The following KIF26A variants were observed in gnomAD, a reference collection of about 807,000 sequenced individuals.
The protein encoded by KIF26A is kinesin-like protein KIF26A.
A neutral mutation model predicts 126.0 loss-of-function variants in KIF26A; 74 were observed. That is an observed-to-expected ratio of 0.59 (90% CI 0.49 to 0.71). The LOEUF is 0.71. Among genes scored for constraint, KIF26A ranks in the 30% least tolerant of loss-of-function variants. KIF26A has a pLI of 0.00. For missense variants in KIF26A, 2,984 were observed against 2,763.3 expected (o/e 1.08, Z -1.79); for synonymous variants, 1,445 against 1,232.7 (o/e 1.17, Z -3.61).
At position 104,173,385 on chromosome 14, in the gene KIF26A, T is replaced by C; in HGVS notation, c.1739T>C (p.Leu580Pro). Reference sequence around the variant, plus strand: ...ACGGCCGAGAAGGCGGCTTTCTACCTGGATGCGGCCCTGGCGGCCCGCAGC... The same window carrying C: ...ACGGCCGAGAAGGCGGCTTTCTACCCGGATGCGGCCCTGGCGGCCCGCAGC... ...APTAEKAAFYLDAALAARSTS... is the reference protein window; with the variant it reads ...APTAEKAAFYPDAALAARSTS... The change falls in exon 9 of 15, where the codon CTG (leucine) becomes CCG (proline). Residue 580 changes from leucine (L) to proline (P), a missense_variant. Physicochemically the swap from Leu to Pro is moderately conservative, Grantham distance 98. Transcript: ENST00000423312. 2 of 1,589,900 alleles carry C rather than the reference T, an allele frequency of 1.3e-6. No homozygotes were observed. Among genetic ancestry groups the C allele is most frequent in the Non-Finnish European group, 1.7e-6 (2 of 1,169,368 alleles).
intron 2 of KIF26A, among the ~76,000 whole-genome samples, chr14:104,150,945 C>T (rs2037723746): frequency 6.6e-6 from 1 of 152,018 alleles, no homozygotes; most frequent in African/African-American, 2.4e-5. Flanking sequence ...GGAGGGGGTG[C>T]AGACGCAGAG....
chr14:104,169,638 A>G (rs74636833), intron 5 of KIF26A, among the ~76,000 whole-genome samples: 2,443 of 152,350 alleles, frequency 0.016, 65 homozygotes, highest in African/African-American at 0.055. Context: ...AAAAGAAGTT[A>G]GATTACGTTC....
In KIF26A at chr14:104,152,058, C is replaced by CT; in HGVS notation, c.333dup (p.Gly112TrpfsTer15). ...CTGCTTCTCGACAAGCTACCAGCAC[C>CT]TGGGGCCCTGCCAGCCTGTCGCCCA... is the stretch of plus-strand genomic sequence containing the variant. On this transcript the variant is annotated frameshift_variant, in exon 3 of 15. Transcript: ENST00000423312. LOFTEE classifies it high-confidence loss of function. The surrounding 1 kb of genome is among the most constrained non-coding windows in gnomAD (Gnocchi z 5.9). The CT allele has an allele frequency of 6.2e-7, 1 of 1,612,654 alleles. No homozygotes were observed. Among genetic ancestry groups the CT allele is most frequent in the Non-Finnish European group, 8.5e-7 (1 of 1,179,792 alleles).
rs532120289 is a variant in KIF26A, at chr14:104,152,323, C to G, written c.597C>G (p.Pro199=). The change falls in exon 3 of 15, where the codon CCC becomes CCG. Residue 199 remains proline (P), a synonymous_variant. Coordinates refer to ENST00000423312, the MANE Select transcript of KIF26A (RefSeq NM_015656.2). This position sits in a 1 kb window ranked among gnomAD's most constrained non-coding sequence, Gnocchi z 5.9. The part of the protein sequence containing the change: ...PDRTKGLAWS[P]GPSVQVSVAP... ...GGACCAAGGGGCTGGCCTGGTCCCC[C>G]GGGCCCAGTGTCCAGGTGTCTGTAG... 4 of 1,579,724 alleles carry G rather than the reference C, an allele frequency of 2.5e-6. No homozygotes were observed. In the African/African-American group the frequency reaches 4.1e-5, roughly 16 times the overall value.
intron 3 of KIF26A, among the ~76,000 whole-genome samples, chr14:104,157,149 G>A (rs2037786902): frequency 6.6e-6 from 1 of 152,154 alleles, no homozygotes; most frequent in African/African-American, 2.4e-5. Context: ...ACGTTTGCTG[G>A]GCTGTCCCGG....
At chr14:104,165,468 TG>T (rs766488342) in intron 4 of KIF26A, among the ~76,000 whole-genome samples, 2 of 150,964 alleles carry the variant, frequency 1.3e-5, no homozygotes, top group Non-Finnish European at 2.9e-5. Flanking sequence ...CGTGTGTGTG[TG>T]GGCCTCTGTG....
At chr14:104,179,176 G>T in intron 13 of KIF26A, 60 bp from the exon 14 acceptor site, 1 of 1,411,366 alleles carries the variant, frequency 7.1e-7, no homozygotes, top group Non-Finnish European at 9.2e-7. Flanking sequence ...CATCAGGGCT[G>T]CTTGGGGGTC....
rs143446561 is a variant in KIF26A at position 104,176,868 on chromosome 14, C to G, written c.4080C>G (p.Ala1360=). ...AGFLPRPSGA[A]PPAPPTRKSS... is the part of the protein sequence containing the mutation. ...TCCTCCCGAGGCCCAGTGGGGCGGC[C>G]CCCCCGGCCCCACCCACGCGGAAGT... Residue 1360 remains alanine, a synonymous_variant, in exon 12 of 15, where the codon GCC becomes GCG. Transcript: ENST00000423312. The G allele has an allele frequency of 1.3e-6, 2 of 1,542,094 alleles. No individual in the cohort carries two copies. Among genetic ancestry groups the G allele is most frequent in the African/African-American group, 2.7e-5 (2 of 72,896 alleles).
intron 5 of KIF26A, among the ~76,000 whole-genome samples, chr14:104,167,368 C>T (rs975898795): frequency 6.6e-6 from 1 of 152,026 alleles, no homozygotes; most frequent in Non-Finnish European, 1.5e-5. Context: ...AGGGAAGCCC[C>T]TTGCGTAGGC....
intron 5 of KIF26A, among the ~76,000 whole-genome samples, chr14:104,171,248 T>C (rs550494524): frequency 6.6e-6 from 1 of 152,338 alleles, no homozygotes; most frequent in African/African-American, 2.4e-5. Flanking sequence ...ATGGCTCCCC[T>C]GACAGCGCCA....
In KIF26A at chr14:104,177,255, G is replaced by T. The variant is rs1157165578; in HGVS notation, c.4467G>T (p.Gly1489=). The change falls in exon 12 of 15, where the codon GGG becomes GGT. Residue 1489 remains glycine, a synonymous_variant. Coordinates refer to ENST00000423312, the MANE Select transcript of KIF26A (RefSeq NM_015656.2). ...GGAGCGGCGCAGCCAAGGCTGTGGG[G>T]GCCCCCAAGCCCCCTGTTGGTGGAG... ...ACRSGAAKAV[G]APKPPVGGGK... is the part of the protein sequence containing the mutation. The T allele has an allele frequency of 1.1e-5, 17 of 1,596,088 alleles. No individual in the cohort carries two copies. Among genetic ancestry groups the T allele is most frequent in the Non-Finnish European group, 1.4e-5 (16 of 1,174,944 alleles).
chr14:104,174,493 A>T (rs1449073615), intron 11 of KIF26A, among the ~76,000 whole-genome samples, 183 bp downstream of exon 11: 7 of 152,154 alleles, frequency 4.6e-5, no homozygotes, highest in Non-Finnish European at 1.0e-4. Flanking sequence ...TGGGGAGCCC[A>T]GCCTGAGGTC....
intron 12 of KIF26A, among the ~76,000 whole-genome samples, chr14:104,178,198 G>T (rs563192464): frequency 3.5e-4 from 54 of 152,322 alleles, no homozygotes; most frequent in African/African-American, 1.3e-3. Flanking sequence ...TGCACAGGTC[G>T]CCAGGCTGGG....
rs2037731862 is a variant in KIF26A, at chr14:104,151,762, CG to C, written c.289-249del. Among the ~76,000 whole-genome samples, 1 of 152,242 alleles carries C rather than the reference CG, an allele frequency of 6.6e-6. No individual in the cohort carries two copies. The highest frequency in any genetic ancestry group is 2.4e-5 in the African/African-American group (1 of 41,464). ...CAAACCTGCCTTGTTAGCCGCAGGC[CG>C]GGGCGCTTAATGACGGCTGGGGAAG... On this transcript the variant is annotated intron_variant, in intron 2 of 14. Transcript: ENST00000423312. The surrounding 1 kb of genome is among the most constrained non-coding windows in gnomAD (Gnocchi z 4.9).
chr14:104,171,183 G>A (rs904331382), intron 5 of KIF26A, among the ~76,000 whole-genome samples: 5 of 152,260 alleles, frequency 3.3e-5, no homozygotes, highest in African/African-American at 7.2e-5. Flanking sequence ...AGGCCACAGG[G>A]TGCCAGGGTT....
In KIF26A at chr14:104,176,931, T is replaced by G. The variant is rs1566866331; in HGVS notation, c.4143T>G (p.Pro1381=). 2.0e-6 allele frequency: 3 copies of G among 1,526,148 alleles called. No homozygotes were observed. Among genetic ancestry groups the G allele is most frequent in the Non-Finnish European group, 2.6e-6 (3 of 1,140,530 alleles). 94.5% of individuals were successfully genotyped at this position (1,526,148 alleles called of 1,614,324 possible). The change falls in exon 12 of 15, where the codon CCT becomes CCG. Residue 1381 remains proline, a synonymous_variant. Coordinates refer to ENST00000423312, the MANE Select transcript of KIF26A (RefSeq NM_015656.2). ...LEQRSSPASA[P]PHAVNPARVG... Reference sequence around the variant, plus strand: ...AGAGGAGCAGCCCGGCCTCGGCCCCTCCGCATGCTGTGAACCCGGCGCGGG... The same window carrying G: ...AGAGGAGCAGCCCGGCCTCGGCCCCGCCGCATGCTGTGAACCCGGCGCGGG...
At chr14:104,158,727 C>T (rs1353952859) in intron 4 of KIF26A, among the ~76,000 whole-genome samples, 1 of 152,136 alleles carries the variant, frequency 6.6e-6, no homozygotes, top group East Asian at 1.9e-4. Flanking sequence ...GCAGAGGGAA[C>T]AGGAGAGCAG....
chr14:104,172,901 G>A, intron 7 of KIF26A, 76 bp from the exon 8 acceptor site: 1 of 1,454,100 alleles, frequency 6.9e-7, no homozygotes. Context: ...CCCCTGGTTG[G>A]CCCCCGGGGA....
intron 4 of KIF26A, among the ~76,000 whole-genome samples, chr14:104,159,586 G>A (rs1394587766): frequency 5.3e-5 from 8 of 152,240 alleles, no homozygotes; most frequent in African/African-American, 1.4e-4. Flanking sequence ...TGCCAGCCGC[G>A]CTGCCTGCTG....
Sources: gnomAD v4.1 joint callset for allele counts (sites outside exome capture counted in the v4.1 genomes callset) on GRCh38, gnomAD v4.1.1 for gene constraint, Gnocchi (gnomAD v3.1) non-coding constraint, MANE v1.5 for transcripts, NCBI Gene and HGNC (gene_info 2026-07-23, HGNC 2026-07-21) for gene names.